Variants in VSIG8 observed in about 807,000 individuals in gnomAD.
The protein encoded by VSIG8 is V-set and immunoglobulin domain-containing protein 8.
A neutral mutation model predicts 42.6 loss-of-function variants in VSIG8; 32 were observed. The ratio of observed to expected loss-of-function variants is 0.75; its 90% CI spans 0.57 to 1.01. The LOEUF (loss-of-function observed/expected upper bound fraction) is 1.01, where lower values mean the gene tolerates loss of function less well. Among genes scored for constraint, VSIG8 ranks in the 50% least tolerant of loss-of-function variants. VSIG8 has a pLI of 0.00. For synonymous variants in VSIG8, 290 were observed against 243.8 expected, an observed-to-expected ratio of 1.19 and a Z score of -1.77; for missense variants, 529 against 558.0, an observed-to-expected ratio of 0.95 and a Z score of 0.52.
At chr1:159,856,404 G>A in intron 5 of VSIG8, 120 bp downstream of exon 5, 1 of 1,523,718 alleles carries the variant, frequency 6.6e-7, no homozygotes, top group African/African-American at 1.4e-5. Flanking sequence ...GGGGCTGGGA[G>A]CCCCCACTGG....
At position 159,862,498 on chromosome 1, in the gene VSIG8, G is replaced by A. The variant is rs1434595877; in HGVS notation, c.24C>T (p.His8=). The A allele has an allele frequency of 6.2e-7, 1 of 1,613,348 alleles. No individual in the cohort carries two copies. The highest frequency in any genetic ancestry group is 8.5e-7 in the Non-Finnish European group (1 of 1,179,524). The part of the protein sequence containing the change: MRVGGAF[H]LLLVCLSPAL... Reference sequence around the variant, plus strand: ...CTGGGCTCAGGCACACGAGTAGAAGGTGGAATGCTCCTCCAACTCTCATGT... The same window carrying A: ...CTGGGCTCAGGCACACGAGTAGAAGATGGAATGCTCCTCCAACTCTCATGT... Residue 8 remains histidine, a synonymous_variant, in exon 1 of 7, where the codon CAC becomes CAT. Coordinates refer to ENST00000368100, the MANE Select transcript of VSIG8 (RefSeq NM_001013661.1).
chr1:159,855,944 C>T lies in VSIG8; in HGVS notation c.910G>A (p.Gly304Ser). ...CCGACCCCGCCGCCGTTGCCGTAGC[C>T]GAAGGCACCGCGGGCGCCGCCAGCC... is the stretch of plus-strand genomic sequence containing the variant. ...SGAGGARGAF[G>S]YGNGGGVGGG... Residue 304 changes from glycine to serine, a missense_variant, in exon 6 of 7, where the codon GGC becomes AGC. Physicochemically the swap from Gly to Ser is moderately conservative, Grantham distance 56. Coordinates refer to ENST00000368100, the MANE Select transcript of VSIG8 (RefSeq NM_001013661.1). 1 of 1,575,366 alleles carries T rather than the reference C, an allele frequency of 6.3e-7. No individual in the cohort carries two copies. Among genetic ancestry groups the T allele is most frequent in the Non-Finnish European group, 8.6e-7 (1 of 1,161,258 alleles).
At chr1:159,862,153 TGCAGA>T (rs1649044123) in intron 1 of VSIG8, 1 of 329,354 alleles carries the variant, frequency 3.0e-6, no homozygotes, top group East Asian at 4.8e-5. Flanking sequence ...CTCCAGCTCC[TGCAGA>T]GCAATCAATC....
At chr1:159,861,479 A>G (rs1205329726) in intron 1 of VSIG8, 1 of 152,098 alleles carries the variant, frequency 6.6e-6, no homozygotes, top group Non-Finnish European at 1.5e-5. Flanking sequence ...CCGGGTCCCC[A>G]CAGCACAGCT....
At chr1:159,855,081 G>T in intron 6 of VSIG8, 55 bp from the exon 7 acceptor site, 2 of 1,557,942 alleles carry the variant, frequency 1.3e-6, no homozygotes, top group South Asian at 2.4e-5. Context: ...CGGGGCGTGG[G>T]CACGGCCTGG....
At position 159,858,848 on chromosome 1, in the gene VSIG8, A is replaced by G. The variant is rs1291601793; in HGVS notation, c.114T>C (p.Asp38=). ...GQEVLYLAEG[D]NVRLGCPYVL... ...CGTAGGGGCAGCCCAGCCTCACATT[A>G]TCACCTTCTGCCAGGTACAGGACCT... Residue 38 remains aspartate (D), a synonymous_variant, in exon 2 of 7, where the codon GAT becomes GAC. Coordinates refer to ENST00000368100, the MANE Select transcript of VSIG8 (RefSeq NM_001013661.1). 1.9e-6 allele frequency: 3 copies of G among 1,614,004 alleles called. No homozygotes were observed. Among genetic ancestry groups the G allele is most frequent in the Non-Finnish European group, 2.5e-6 (3 of 1,179,966 alleles).
At position 159,854,648 on chromosome 1, in the gene VSIG8, C is replaced by G; in HGVS notation, c.*105G>C. The G allele has an allele frequency of 7.4e-7, 1 of 1,347,848 alleles. No individual in the cohort carries two copies. The highest frequency in any genetic ancestry group is 9.5e-7 in the Non-Finnish European group (1 of 1,055,544). The allele number at this position is 1,347,848 out of a possible 1,614,324, so 83.5% of individuals were successfully genotyped here. A position where few individuals can be genotyped will look rare whatever the true frequency, so the allele number is the denominator to read the frequency against. Reference sequence around the variant, plus strand: ...CCTTCACCCCCAGCCGCCTGGCAGCCTGGGGCGAGCGAGGTCGTCCCCAGC... The same window carrying G: ...CCTTCACCCCCAGCCGCCTGGCAGCGTGGGGCGAGCGAGGTCGTCCCCAGC... On this transcript the variant is annotated 3_prime_UTR_variant, in exon 7 of 7. Coordinates refer to ENST00000368100, the MANE Select transcript of VSIG8 (RefSeq NM_001013661.1).
In VSIG8 at chr1:159,854,841, G is replaced by C. The variant is rs866176064; in HGVS notation, c.1157C>G (p.Pro386Arg). 6.7e-6 allele frequency: 10 copies of C among 1,486,910 alleles called. No individual in the cohort carries two copies. In the Middle Eastern group the frequency reaches 1.2e-3, roughly 174 times the overall value. 92.1% of individuals were successfully genotyped at this position (1,486,910 alleles called of 1,614,324 possible). Residue 386 changes from proline (P) to arginine (R), a missense_variant, in exon 7 of 7, where the codon CCC becomes CGC. Coordinates refer to ENST00000368100, the MANE Select transcript of VSIG8 (RefSeq NM_001013661.1). ...CTTGACCTTGACGTAGACCGGGGAG[G>C]GGCCCGCTTCGCAGGCGGCGGCGGC... Reference protein sequence around the residue: ...CTAAAACEAGPSPVYVKVKSA... With the variant: ...CTAAAACEAGRSPVYVKVKSA...
At chr1:159,859,262 G>A (rs191313666) in intron 1 of VSIG8, among the ~76,000 whole-genome samples, 5 of 152,282 alleles carry the variant, frequency 3.3e-5, no homozygotes, top group Admixed American at 6.5e-5. Context: ...ACATGACCAC[G>A]TAGCGTGTCT....
chr1:159,858,341 G>A, intron 2 of VSIG8, 50 bp from the exon 3 acceptor site: 1 of 1,591,610 alleles, frequency 6.3e-7, no homozygotes, highest in Non-Finnish European at 8.6e-7. Context: ...AGCCAAGAAG[G>A]GCCATGTGGA....
intron 5 of VSIG8, 187 bp from the exon 6 acceptor site, chr1:159,856,268 T>C: frequency 3.9e-6 from 3 of 763,356 alleles, no homozygotes; most frequent in Non-Finnish European, 6.2e-6. Flanking sequence ...CGTGTCAGCA[T>C]GCTTCTCCCA....
At chr1:159,855,558 T>C (rs1648787947) in intron 6 of VSIG8, 1 of 985,248 alleles carries the variant, frequency 1.0e-6, no homozygotes, top group Admixed American at 6.1e-5. Flanking sequence ...AATAATAATG[T>C]CAGAGTTCTT....
At chr1:159,860,282 GC>G (rs1443949896) in intron 1 of VSIG8, among the ~76,000 whole-genome samples, 1 of 152,084 alleles carries the variant, frequency 6.6e-6, no homozygotes, top group Non-Finnish European at 1.5e-5. Context: ...TACCTATATG[GC>G]CCCACCTTCC....
intron 4 of VSIG8, among the ~76,000 whole-genome samples, chr1:159,857,366 G>A (rs113767095): frequency 0.058 from 8,890 of 152,178 alleles, 668 homozygotes; most frequent in East Asian, 0.27. Flanking sequence ...CTGAGGTCAG[G>A]AGTTTGAGAC....
At chr1:159,856,692 A>G (rs770863975) in intron 4 of VSIG8, 49 bp from the exon 5 acceptor site, 5 of 1,599,862 alleles carry the variant, frequency 3.1e-6, no homozygotes, top group South Asian at 1.1e-5. Flanking sequence ...TCCCACCCCA[A>G]CCTCAGTCCC....
intron 5 of VSIG8, 123 bp from the exon 6 acceptor site, chr1:159,856,204 C>G (rs1333771349): frequency 2.0e-6 from 2 of 1,013,714 alleles, no homozygotes; most frequent in Admixed American, 5.1e-5. Flanking sequence ...CAGGGGGTCT[C>G]TTAGCCCTGG....
intron 6 of VSIG8, 151 bp from the exon 7 acceptor site, chr1:159,855,177 G>C (rs2501340): frequency 0.88 from 1,371,998 of 1,551,532 alleles, 607,363 homozygotes; most frequent in African/African-American, 0.98. Flanking sequence ...TCGACCTACT[G>C]TCCTTTGTGA....
At position 159,858,228 on chromosome 1, in the gene VSIG8, G is replaced by A. The variant is rs764882713; in HGVS notation, c.292C>T (p.Arg98Cys). ...TGGCTTGGGTCTGAGGCTGCAAAGCGGACCCTCTGCTGCAGATGGGGAAGG... is the reference window on the plus strand; with the variant it reads ...TGGCTTGGGTCTGAGGCTGCAAAGCAGACCCTCTGCTGCAGATGGGGAAGG... The part of the protein sequence containing the change: ...GSLPHLQQRV[R>C]FAASDPSQYD... Residue 98 changes from arginine (R) to cysteine (C), a missense_variant, in exon 3 of 7, where the codon CGC becomes TGC. Transcript: ENST00000368100. 1.9e-5 allele frequency: 30 copies of A among 1,614,106 alleles called. No individual in the cohort carries two copies. Among genetic ancestry groups the A allele is most frequent in the Admixed American group, 3.3e-5 (2 of 60,010 alleles).
At chr1:159,855,764 T>C in intron 6 of VSIG8, 119 bp downstream of exon 6, 1 of 1,353,668 alleles carries the variant, frequency 7.4e-7, no homozygotes, top group Admixed American at 3.4e-5. Flanking sequence ...CAGCACTCCG[T>C]GGCGATGGCG....
Sources: allele counts gnomAD v4.1 joint callset (sites outside exome capture counted in the v4.1 genomes callset), GRCh38; gene constraint gnomAD v4.1.1; transcripts MANE v1.5; gene names NCBI Gene and HGNC (gene_info 2026-07-23, HGNC 2026-07-21).